Variants in PPAT observed in about 807,000 individuals in gnomAD.
The protein encoded by PPAT is phosphoribosyl pyrophosphate amidotransferase.
PPAT carries 20 observed loss-of-function variants against 60.2 expected under a neutral mutation model. That is an observed-to-expected ratio of 0.33 (90% confidence interval 0.23 to 0.48). The LOEUF (loss-of-function observed/expected upper bound fraction) is 0.48, where lower values mean the gene tolerates loss of function less well. PPAT is among the 20% of genes least tolerant of loss of function. The pLI is 0.99. For missense variants in PPAT, 349 were observed against 629.6 expected (o/e 0.55, Z 4.77); for synonymous variants, 194 against 215.1 (o/e 0.90, Z 0.86).
At chr4:56,431,819 G>T (rs1282682893) in intron 1 of PPAT, among the ~76,000 whole-genome samples, 1 of 152,150 alleles carries the variant, frequency 6.6e-6, no homozygotes, top group Admixed American at 6.5e-5. Flanking sequence ...TGTCTGGTTT[G>T]TTCAGAACTC....
In PPAT at chr4:56,406,478, C is replaced by T. The variant is rs1196538440; in HGVS notation, c.402+17G>A. The T allele has an allele frequency of 1.7e-5, 27 of 1,585,896 alleles. No homozygotes were observed. Among genetic ancestry groups the T allele is most frequent in the Non-Finnish European group, 2.2e-5 (26 of 1,162,488 alleles). On this transcript the variant is annotated intron_variant, in intron 3 of 10. Transcript: ENST00000264220. ...ATCATTTAAAAAGGCCTAGGGAAAA[C>T]AAACAAACAAACGTACCTTTTTCCT...
intron 1 of PPAT, chr4:56,419,925 T>C (rs1218138868): frequency 1.0e-6 from 1 of 983,980 alleles, no homozygotes; most frequent in African/African-American, 1.7e-5. Context: ...GAGTATGAAA[T>C]TTTTTACTGA....
intron 1 of PPAT, among the ~76,000 whole-genome samples, chr4:56,424,457 A>T (rs1717192523): frequency 6.6e-6 from 1 of 152,166 alleles, no homozygotes. Context: ...CCATTCAGGG[A>T]AGAAAAATTT....
At chr4:56,410,933 A>C in intron 1 of PPAT, 3 of 936,366 alleles carry the variant, frequency 3.2e-6, no homozygotes, top group Non-Finnish European at 3.8e-6. Flanking sequence ...AAAAAAGAAA[A>C]GTACTCTTGT....
chr4:56,428,127 A>C (rs1324610021), intron 1 of PPAT, among the ~76,000 whole-genome samples: 1 of 152,222 alleles, frequency 6.6e-6, no homozygotes, highest in East Asian at 1.9e-4. Flanking sequence ...CTTTTGACTC[A>C]TATTGAAGTT....
chr4:56,425,763 T>C (rs1408770379), intron 1 of PPAT, among the ~76,000 whole-genome samples: 1 of 152,134 alleles, frequency 6.6e-6, no homozygotes, highest in East Asian at 1.9e-4. Context: ...CAGTGTGACC[T>C]CCATGAAGGA....
intron 1 of PPAT, among the ~76,000 whole-genome samples, chr4:56,426,927 A>G (rs2110064868): frequency 6.6e-6 from 1 of 152,308 alleles, no homozygotes; most frequent in Non-Finnish European, 1.5e-5. Flanking sequence ...GCCTGTGGTG[A>G]CCACTATTCT....
In PPAT at chr4:56,419,637, C is replaced by A. The variant is rs1716941522; in HGVS notation, c.129-11921G>T. The A allele has an allele frequency of 4.1e-6, 4 of 980,008 alleles. No individual in the cohort carries two copies. The South Asian group carries it at 1.4e-4, about 35-fold the overall frequency. 60.7% of individuals were successfully genotyped at this position (980,008 alleles called of 1,614,324 possible). A position where few individuals can be genotyped will look rare whatever the true frequency, so the allele number is the denominator to read the frequency against. ...AGGTATCTCTACGTCAGTATTGGAA[C>A]CCTCTAATAATACAACTTTTATCCC... On this transcript the variant is annotated intron_variant, in intron 1 of 10. Coordinates refer to ENST00000264220, the MANE Select transcript of PPAT (RefSeq NM_002703.5).
chr4:56,414,266 G>T (rs1338096822), intron 1 of PPAT: 1 of 152,192 alleles, frequency 6.6e-6, no homozygotes, highest in Non-Finnish European at 1.5e-5. Flanking sequence ...CGGAAGAAGG[G>T]AAGAAAACGA....
At position 56,396,580 on chromosome 4, in the gene PPAT, CTG is replaced by C; in HGVS notation, c.1357+37_1357+38del. 6.4e-7 allele frequency: 1 copy of C among 1,553,726 alleles called. No homozygotes were observed. The highest frequency in any genetic ancestry group is 2.3e-4 in the Middle Eastern group (1 of 4,274). On this transcript the variant is annotated intron_variant, in intron 10 of 10. Coordinates refer to ENST00000264220, the MANE Select transcript of PPAT (RefSeq NM_002703.5). The surrounding 1 kb of genome is among the most constrained non-coding windows in gnomAD (Gnocchi z 4.6). The stretch of plus-strand genomic sequence containing the variant: ...AAGACTGTCAAGCTTTGGATTTTCT[CTG>C]TTAATAATCAAAGTTTATAGAAATT...
At chr4:56,413,764 G>T (rs1191281991) in intron 1 of PPAT, among the ~76,000 whole-genome samples, 1 of 152,012 alleles carries the variant, frequency 6.6e-6, no homozygotes, top group Non-Finnish European at 1.5e-5. Context: ...GGGCTTGGTG[G>T]TGGGCACCTG....
rs1365675060 is a variant in PPAT, at chr4:56,393,956, C to T, written c.*1396G>A. 1.3e-5 allele frequency: 2 copies of T among 152,042 alleles called. No individual in the cohort carries two copies. The highest frequency in any genetic ancestry group is 1.3e-4 in the Admixed American group (2 of 15,266). The allele number at this position is 152,042 out of a possible 1,614,324, so 9.4% of individuals were successfully genotyped here. The stretch of plus-strand genomic sequence containing the variant: ...GCTGTCAAAATTTTATCTTGGCCTG[C>T]TATAATATAATATGCGAGACTATAT... On this transcript the variant is annotated 3_prime_UTR_variant, in exon 11 of 11. Transcript: ENST00000264220.
chr4:56,402,078 A>G, intron 6 of PPAT, 31 bp downstream of exon 6: 5 of 1,489,202 alleles, frequency 3.4e-6, no homozygotes, highest in Non-Finnish European at 4.6e-6. Context: ...AACATGGGAA[A>G]ATAAAATATG....
At chr4:56,426,302 T>C (rs903947010) in intron 1 of PPAT, among the ~76,000 whole-genome samples, 1 of 151,916 alleles carries the variant, frequency 6.6e-6, no homozygotes, top group Non-Finnish European at 1.5e-5. Context: ...CTCGGGAGGC[T>C]GAGGCAGGAG....
chr4:56,424,337 CACCCGTATT>C (rs1236893864), intron 1 of PPAT, among the ~76,000 whole-genome samples: 18 of 152,250 alleles, frequency 1.2e-4, no homozygotes, highest in African/African-American at 4.3e-4. Flanking sequence ...TCAGTTCAGG[CACCCGTATT>C]TTTAGACGGT....
intron 6 of PPAT, 109 bp downstream of exon 6, chr4:56,402,000 G>A (rs1716123971): frequency 3.9e-6 from 3 of 771,626 alleles, no homozygotes; most frequent in Non-Finnish European, 6.1e-6. Flanking sequence ...ATATTTTCTT[G>A]CAGACATCAA....
chr4:56,433,704 T>TC (rs80343511), intron 1 of PPAT, among the ~76,000 whole-genome samples: 27,565 of 151,794 alleles, frequency 0.18, 2,820 homozygotes, highest in Admixed American at 0.32. Flanking sequence ...CAACTGTTTT[T>TC]TTTTTTTTGA....
intron 1 of PPAT, among the ~76,000 whole-genome samples, chr4:56,418,738 A>G (rs1178574765): frequency 6.6e-6 from 1 of 152,264 alleles, no homozygotes; most frequent in Non-Finnish European, 1.5e-5. Context: ...TACTTCTTTT[A>G]TGAAAATGAA....
At chr4:56,432,556 C>T (rs546307618) in intron 1 of PPAT, among the ~76,000 whole-genome samples, 6 of 147,008 alleles carry the variant, frequency 4.1e-5, no homozygotes, top group Non-Finnish European at 8.9e-5. Flanking sequence ...GAGGCCAAGG[C>T]GGGCAGATCA....
Sources: allele counts gnomAD v4.1 joint callset (sites outside exome capture counted in the v4.1 genomes callset), GRCh38; gene constraint gnomAD v4.1.1; non-coding constraint Gnocchi (gnomAD v3.1); transcripts MANE v1.5; gene names NCBI Gene and HGNC (gene_info 2026-07-23, HGNC 2026-07-21).